The following ACSM3 variants were observed in gnomAD, a reference collection of about 807,000 sequenced individuals.
ACSM3 encodes acyl-CoA synthetase medium chain family member 3.
ACSM3 carries 61 observed loss-of-function variants against 74.1 expected under a neutral mutation model. The ratio of observed to expected loss-of-function variants is 0.82; its 90% CI spans 0.67 to 1.02. The LOEUF is 1.02. ACSM3 is among the 50% of genes least tolerant of loss of function. The pLI is 0.00. For synonymous variants in ACSM3, 213 were observed against 241.5 expected (o/e 0.88, Z 1.09); for missense variants, 660 against 697.0 (o/e 0.95, Z 0.60).
In ACSM3 at chr16:20,790,843, G is replaced by A. The variant is rs1166784109; in HGVS notation, c.1326+155G>A. 2 of 1,613,884 alleles carry A rather than the reference G, an allele frequency of 1.2e-6. No homozygotes were observed. Among genetic ancestry groups the A allele is most frequent in the African/African-American group, 2.7e-5 (2 of 74,930 alleles). On this transcript the variant is annotated intron_variant, in intron 10 of 13. Coordinates refer to ENST00000289416, the MANE Select transcript of ACSM3 (RefSeq NM_005622.4). This position sits in a 1 kb window ranked among gnomAD's most constrained non-coding sequence, Gnocchi z 4.0. ...GTAATCCAAAAGACAAGAAATTGAA[G>A]AAATACCCAAATTCTTGCTGAAGAA...
chr16:20,742,957 T>C (rs1235021620), intron 1 of ACSM3, among the ~76,000 whole-genome samples: 5 of 149,304 alleles, frequency 3.3e-5, no homozygotes, highest in Non-Finnish European at 7.5e-5. Context: ...TTTTTTTTTT[T>C]TGAGATGGAG....
intron 1 of ACSM3, among the ~76,000 whole-genome samples, chr16:20,711,158 T>C (rs1471884446): frequency 6.6e-6 from 1 of 152,084 alleles, no homozygotes; most frequent in Non-Finnish European, 1.5e-5. Flanking sequence ...CATAATAATG[T>C]CTACTATATT....
At chr16:20,780,658 G>C (rs1191153498) in intron 4 of ACSM3, 56 bp from the exon 5 acceptor site, 1 of 1,613,996 alleles carries the variant, frequency 6.2e-7, no homozygotes, top group Non-Finnish European at 8.5e-7. Flanking sequence ...TTTTTCAGTG[G>C]TAACAGTCTG....
intron 1 of ACSM3, among the ~76,000 whole-genome samples, chr16:20,713,536 A>C (rs916008784): frequency 2.6e-5 from 4 of 152,178 alleles, no homozygotes; most frequent in African/African-American, 9.6e-5. Context: ...GGGTGACAGA[A>C]TGGAACCCTG....
At chr16:20,737,826 A>G (rs753979966) in intron 1 of ACSM3, 4 of 1,613,828 alleles carry the variant, frequency 2.5e-6, no homozygotes, top group East Asian at 2.2e-5. Context: ...ATGTTTCTGC[A>G]TATTTTTTCA....
rs1230869562 is a variant in ACSM3, at chr16:20,764,107, T to C, written c.-70T>C. 2.0e-5 allele frequency: 3 copies of C among 152,246 alleles called. No homozygotes were observed. The highest frequency in any genetic ancestry group is 4.4e-5 in the Non-Finnish European group (3 of 68,050). The allele number at this position is 152,246 out of a possible 1,614,324, so 9.4% of individuals were successfully genotyped here. A position where few individuals can be genotyped will look rare whatever the true frequency, so the allele number is the denominator to read the frequency against. ...ACAAGTCTGCCATAATCTCCATCTG[T>C]GTTGGAATCTGTTAACTAGTGAGTA... On this transcript the variant is annotated 5_prime_UTR_variant, in exon 1 of 14. Coordinates refer to ENST00000289416, the MANE Select transcript of ACSM3 (RefSeq NM_005622.4).
At chr16:20,698,857 A>C (rs1368119066) in intron 1 of ACSM3, 2 of 152,178 alleles carry the variant, frequency 1.3e-5, no homozygotes, top group African/African-American at 4.8e-5. Context: ...CCTACCTCCC[A>C]GGGTGTTTTC....
intron 1 of ACSM3, among the ~76,000 whole-genome samples, chr16:20,747,496 T>C (rs945117466): frequency 6.6e-6 from 1 of 152,224 alleles, no homozygotes; most frequent in Non-Finnish European, 1.5e-5. Context: ...CCTGTCTTTG[T>C]TCAGGGCTCA....
chr16:20,728,588 A>C, intron 1 of ACSM3: 2 of 448,974 alleles, frequency 4.5e-6, no homozygotes. Flanking sequence ...AAGCAACAAA[A>C]TCTATTTCAT....
intron 1 of ACSM3, among the ~76,000 whole-genome samples, chr16:20,720,779 T>C (rs1232348199): frequency 6.6e-6 from 1 of 152,240 alleles, no homozygotes; most frequent in Non-Finnish European, 1.5e-5. Flanking sequence ...TCAAGTGCTA[T>C]AAAAACCTTT....
rs1365427036 is a variant in ACSM3 at position 20,792,033 on chromosome 16, G to A, written c.1358G>A (p.Arg453Gln). 1.2e-6 allele frequency: 2 copies of A among 1,613,972 alleles called. No individual in the cohort carries two copies. The highest frequency in any genetic ancestry group is 2.2e-5 in the East Asian group (1 of 44,874). The change falls in exon 11 of 14, where the codon CGA becomes CAA. Residue 453 changes from arginine to glutamine, a missense_variant. Physicochemically the swap from Arg to Gln is conservative, Grantham distance 43. Coordinates refer to ENST00000289416, the MANE Select transcript of ACSM3 (RefSeq NM_005622.4). ...DNPSKTASTLRGNFYITGDRG... is the reference protein window; with the variant it reads ...DNPSKTASTLQGNFYITGDRG... ...CCTTCAAAAACAGCTTCAACTCTAC[G>A]AGGCAATTTCTATATCACTGGGGAC...
intron 1 of ACSM3, among the ~76,000 whole-genome samples, chr16:20,708,093 G>A (rs2079733020): frequency 6.6e-6 from 1 of 152,188 alleles, no homozygotes; most frequent in Non-Finnish European, 1.5e-5. Context: ...TTGAGGTTAG[G>A]AGTTCGAGAC....
intron 1 of ACSM3, chr16:20,737,891 CTCGAG>C: frequency 6.2e-7 from 1 of 1,613,634 alleles, no homozygotes; most frequent in Non-Finnish European, 8.5e-7. Context: ...CGCAAAATAA[CTCGAG>C]TCTTCTTTTT....
At chr16:20,686,074 A>G (rs533157334) in intron 1 of ACSM3, among the ~76,000 whole-genome samples, 1 of 152,262 alleles carries the variant, frequency 6.6e-6, no homozygotes, top group South Asian at 2.1e-4. Flanking sequence ...TATTACCTAG[A>G]AAGTAGCAAA....
chr16:20,697,703 T>G (rs909938898), intron 1 of ACSM3: 2 of 151,948 alleles, frequency 1.3e-5, no homozygotes, highest in African/African-American at 2.4e-5. Flanking sequence ...TGAGCTCTCT[T>G]TTGTAGGTTC....
At chr16:20,700,690 T>C (rs1273465442) in intron 1 of ACSM3, among the ~76,000 whole-genome samples, 2 of 151,856 alleles carry the variant, frequency 1.3e-5, no homozygotes, top group African/African-American at 4.8e-5. Context: ...CTAAGTGCAA[T>C]GGGTGGGTGC....
intron 1 of ACSM3, among the ~76,000 whole-genome samples, chr16:20,694,634 A>T (rs999448923): frequency 6.6e-6 from 1 of 152,172 alleles, no homozygotes; most frequent in Non-Finnish European, 1.5e-5. Context: ...ACAACCCCTT[A>T]CTAAGTGACT....
In ACSM3 at chr16:20,792,057, A is replaced by G. The variant is rs763659195; in HGVS notation, c.1382A>G (p.Asp461Gly). The G allele has an allele frequency of 6.2e-7, 1 of 1,614,050 alleles. No homozygotes were observed. The highest frequency in any genetic ancestry group is 2.2e-5 in the East Asian group (1 of 44,886). The change falls in exon 11 of 14, where the codon GAC (aspartate) becomes GGC (glycine). Residue 461 changes from aspartate to glycine, a missense_variant. Physicochemically the swap from Asp to Gly is moderately conservative, Grantham distance 94. Transcript: ENST00000289416. ...TLRGNFYITGDRGYMDKDGYF... is the reference protein window; with the variant it reads ...TLRGNFYITGGRGYMDKDGYF... ...CGAGGCAATTTCTATATCACTGGGG[A>G]CAGAGGATATATGGATAAAGATGGG...
At chr16:20,732,523 ATCT>A (rs1012929642) in intron 1 of ACSM3, among the ~76,000 whole-genome samples, 1 of 152,152 alleles carries the variant, frequency 6.6e-6, no homozygotes, top group Non-Finnish European at 1.5e-5. Context: ...TGCCTAAAAA[ATCT>A]TCTCCAATCT....
Sources: gnomAD v4.1 joint callset for allele counts (sites outside exome capture counted in the v4.1 genomes callset) on GRCh38, gnomAD v4.1.1 for gene constraint, Gnocchi (gnomAD v3.1) non-coding constraint, MANE v1.5 for transcripts, NCBI Gene and HGNC (gene_info 2026-07-23, HGNC 2026-07-21) for gene names.